The following KDM4C variants were observed in gnomAD, a reference collection of about 807,000 sequenced individuals.
KDM4C encodes lysine demethylase 4C.
In KDM4C, 81 loss-of-function variants were observed where a neutral mutation model predicts 129.3. That is an observed-to-expected ratio of 0.63 (90% CI 0.52 to 0.75). The LOEUF (loss-of-function observed/expected upper bound fraction) is 0.75, where lower values mean the gene tolerates loss of function less well. Among genes scored for constraint, KDM4C ranks in the 30% least tolerant of loss-of-function variants. The probability of loss-of-function intolerance (pLI) is 0.00; values close to 1 mark genes in which losing one functional copy is unlikely to be tolerated. For synonymous variants in KDM4C, 573 were observed against 456.1 expected (o/e 1.26, Z -3.26); for missense variants, 1,457 against 1,304.0 (o/e 1.12, Z -1.81).
intron 20 of KDM4C, among the ~76,000 whole-genome samples, chr9:7,167,496 A>G (rs1283184601): frequency 2.6e-5 from 4 of 152,232 alleles, no homozygotes; most frequent in Non-Finnish European, 5.9e-5. Flanking sequence ...ATCAGATGAC[A>G]CTATGGCCTA....
At chr9:6,743,288 C>T (rs1485515028) in intron 1 of KDM4C, among the ~76,000 whole-genome samples, 6 of 152,234 alleles carry the variant, frequency 3.9e-5, no homozygotes, top group South Asian at 2.1e-4. Context: ...TGAGGCACTT[C>T]GTTCAAGCAA....
intron 1 of KDM4C, among the ~76,000 whole-genome samples, chr9:6,791,432 T>C (rs1826586996): frequency 6.6e-6 from 1 of 152,204 alleles, no homozygotes; most frequent in African/African-American, 2.4e-5. Flanking sequence ...TATTGAAGTT[T>C]GTTCAGCCTC....
In KDM4C at chr9:6,892,686, G is replaced by T. The variant is rs191517764; in HGVS notation, c.784-409G>T. Among the ~76,000 whole-genome samples the T allele has an allele frequency of 1.4e-4, 22 of 152,252 alleles. 1 individual carries two copies. In the East Asian group the frequency reaches 3.5e-3, roughly 24 times the overall value. Reference sequence around the variant, plus strand: ...AGCCTGCCAAGCATGTATTATCAAAGTTTCTGTAGCTGTAGCTTTAACAAT... The same window carrying T: ...AGCCTGCCAAGCATGTATTATCAAATTTTCTGTAGCTGTAGCTTTAACAAT... On this transcript the variant is annotated intron_variant, in intron 7 of 21. Transcript: ENST00000381309.
chr9:6,857,862 C>T (rs138449771), intron 5 of KDM4C, among the ~76,000 whole-genome samples: 1 of 151,184 alleles, frequency 6.6e-6, no homozygotes, highest in Non-Finnish European at 1.5e-5. Context: ...TCAAGCGATC[C>T]TCCCACCTCA....
intron 1 of KDM4C, among the ~76,000 whole-genome samples, chr9:6,728,201 T>C (rs72697574): frequency 0.086 from 13,115 of 152,122 alleles, 740 homozygotes; most frequent in Non-Finnish European, 0.12. Flanking sequence ...TTCTTGCCAT[T>C]GGTGGGTGGG....
intron 5 of KDM4C, among the ~76,000 whole-genome samples, chr9:6,869,168 C>T (rs1842490651): frequency 6.6e-6 from 1 of 152,206 alleles, no homozygotes; most frequent in African/African-American, 2.4e-5. Flanking sequence ...AGGATTTTTT[C>T]TCACTGTGGC....
At chr9:7,017,548 A>G (rs897329799) in intron 15 of KDM4C, among the ~76,000 whole-genome samples, 3 of 152,212 alleles carry the variant, frequency 2.0e-5, no homozygotes, top group South Asian at 2.1e-4. Context: ...CATTCTAACA[A>G]TCTATGTCAA....
chr9:7,171,168 C>T (rs989916852), intron 21 of KDM4C, among the ~76,000 whole-genome samples: 4 of 152,072 alleles, frequency 2.6e-5, no homozygotes, highest in African/African-American at 9.7e-5. Flanking sequence ...GAAGGTCCTT[C>T]AAAGTGAAAT....
intron 5 of KDM4C, among the ~76,000 whole-genome samples, chr9:6,875,152 CCATCTTGGAGGAGCAGGA>C (rs1342469230): frequency 6.6e-6 from 1 of 152,096 alleles, no homozygotes; most frequent in Non-Finnish European, 1.5e-5. Context: ...TCCAGGACTT[CCATCTTGGAGGAGCAGGA>C]ATATGGTTTA....
chr9:6,969,156 G>T (rs768635931), intron 8 of KDM4C, among the ~76,000 whole-genome samples: 1 of 152,104 alleles, frequency 6.6e-6, no homozygotes, highest in Non-Finnish European at 1.5e-5. Flanking sequence ...GGCTGGTCTC[G>T]AACTCCTGAC....
intron 21 of KDM4C, among the ~76,000 whole-genome samples, chr9:7,171,489 C>T (rs544002100): frequency 1.6e-4 from 24 of 152,190 alleles, no homozygotes; most frequent in African/African-American, 1.4e-4. Flanking sequence ...CAGCTCCTCC[C>T]GCTCCTTTCT....
intron 15 of KDM4C, among the ~76,000 whole-genome samples, chr9:7,034,297 T>A (rs1445060233): frequency 2.0e-5 from 3 of 152,206 alleles, no homozygotes; most frequent in South Asian, 2.1e-4. Context: ...CACAGAAATA[T>A]AGAACTTAGT....
rs1845352091 is a variant in KDM4C at position 7,175,424 on chromosome 9, A to G, written c.*695A>G. 6.6e-6 allele frequency: 1 copy of G among 152,648 alleles called. No homozygotes were observed. Among genetic ancestry groups the G allele is most frequent in the African/African-American group, 2.4e-5 (1 of 41,466 alleles). The allele number at this position is 152,648 out of a possible 1,614,324, so 9.5% of individuals were successfully genotyped here. A position where few individuals can be genotyped will look rare whatever the true frequency, so the allele number is the denominator to read the frequency against. On this transcript the variant is annotated 3_prime_UTR_variant, in exon 22 of 22. Transcript: ENST00000381309. The stretch of plus-strand genomic sequence containing the variant: ...TTGTTATGCGAATTTTATATATTTA[A>G]AGAGGGAGATCTGGGGCTGTTATTT...
chr9:7,013,232 G>A (rs818880), intron 13 of KDM4C, among the ~76,000 whole-genome samples: 151,329 of 152,334 alleles, frequency 0.99, 75,174 homozygotes, highest in Middle Eastern at 1. Flanking sequence ...TTTCAAGTAA[G>A]TACTAAACTT....
intron 21 of KDM4C, chr9:7,170,917 C>CAAAAAAAAAAA (rs1844891051): frequency 2.2e-5 from 1 of 45,246 alleles, no homozygotes; most frequent in Non-Finnish European, 3.9e-5. Context: ...TGATGAGCTA[C>CAAAAAAAAAAA]TAAAAAAAAA....
intron 6 of KDM4C, among the ~76,000 whole-genome samples, chr9:6,886,771 C>T (rs1485708015): frequency 6.6e-6 from 1 of 152,086 alleles, no homozygotes; most frequent in East Asian, 1.9e-4. Context: ...GGATTACAGG[C>T]GTGAACCACC....
chr9:6,726,052 A>C (rs1229195871), intron 1 of KDM4C, among the ~76,000 whole-genome samples: 1 of 151,490 alleles, frequency 6.6e-6, no homozygotes, highest in Non-Finnish European at 1.5e-5. Context: ...TCAGCCTCCC[A>C]AGTAGCTGGG....
intron 15 of KDM4C, among the ~76,000 whole-genome samples, chr9:7,022,661 C>T (rs1264478289): frequency 1.6e-5 from 2 of 125,930 alleles, no homozygotes; most frequent in Admixed American, 8.8e-5. Context: ...TGTCTGATTA[C>T]GCTGGCTAGG....
chr9:6,798,571 A>G (rs1399278243), intron 2 of KDM4C, among the ~76,000 whole-genome samples: 1 of 152,188 alleles, frequency 6.6e-6, no homozygotes, highest in East Asian at 1.9e-4. Context: ...GTCATAGATC[A>G]ACAGGATCCC....
Sources: allele counts gnomAD v4.1 joint callset (sites outside exome capture counted in the v4.1 genomes callset), GRCh38; gene constraint gnomAD v4.1.1; transcripts MANE v1.5; gene names NCBI Gene and HGNC (gene_info 2026-07-23, HGNC 2026-07-21).